Variants in SEMA3A observed in about 807,000 individuals in gnomAD.
SEMA3A encodes semaphorin 3A.
In SEMA3A, 29 loss-of-function variants were observed where a neutral mutation model predicts 97.9. The ratio of observed to expected loss-of-function variants is 0.30; its 90% CI spans 0.22 to 0.40. SEMA3A has a LOEUF of 0.40. SEMA3A is among the 10% of genes least tolerant of loss of function. The pLI, the probability that SEMA3A is intolerant of heterozygous loss-of-function variation, is 1.00. For missense variants in SEMA3A, 763 were observed against 951.3 expected, an observed-to-expected ratio of 0.80 and a Z score of 2.60; for synonymous variants, 321 against 323.7, an observed-to-expected ratio of 0.99 and a Z score of 0.09.
intron 2 of SEMA3A, among the ~76,000 whole-genome samples, chr7:84,323,978 T>C (rs1207917305): frequency 6.6e-6 from 1 of 152,208 alleles, no homozygotes; most frequent in East Asian, 1.9e-4. Context: ...AGTTTTTAAA[T>C]GTGGTTTACA....
At chr7:84,426,882 T>A (rs981477835) in intron 1 of SEMA3A, among the ~76,000 whole-genome samples, 8 of 152,162 alleles carry the variant, frequency 5.3e-5, no homozygotes, top group African/African-American at 1.7e-4. Context: ...TTGGTACATA[T>A]GCTATTCTCC....
chr7:84,292,804 A>T (rs1397664448), intron 3 of SEMA3A, among the ~76,000 whole-genome samples: 1 of 152,064 alleles, frequency 6.6e-6, no homozygotes, highest in Non-Finnish European at 1.5e-5. Flanking sequence ...TTTATTTTAC[A>T]TTTCAAAGGC....
At chr7:84,110,640 G>A (rs2115941070) in intron 3 of SEMA3A, 51 bp from the exon 4 acceptor site, 1 of 1,608,010 alleles carries the variant, frequency 6.2e-7, no homozygotes, top group Non-Finnish European at 8.5e-7. Context: ...CATGACTGAG[G>A]TATCCTCTAG....
chr7:83,967,001 G>A (rs1427417209), intron 15 of SEMA3A, among the ~76,000 whole-genome samples: 4 of 151,966 alleles, frequency 2.6e-5, no homozygotes, highest in Non-Finnish European at 4.4e-5. Flanking sequence ...ATGAGCCACC[G>A]CGCCCGGCCA....
chr7:83,988,488 A>G (rs1184062970), intron 12 of SEMA3A, among the ~76,000 whole-genome samples: 6 of 151,982 alleles, frequency 3.9e-5, no homozygotes, highest in African/African-American at 1.5e-4. Flanking sequence ...TCAGCCTCCC[A>G]ACTTTTGTGG....
At chr7:84,011,347 T>A in intron 7 of SEMA3A, 50 bp from the exon 8 acceptor site, 1 of 1,155,188 alleles carries the variant, frequency 8.7e-7, no homozygotes, top group Non-Finnish European at 1.3e-6. Context: ...AAATGATAAT[T>A]TGAAACATTT....
intron 3 of SEMA3A, among the ~76,000 whole-genome samples, chr7:84,113,169 T>C (rs1795324455): frequency 1.3e-5 from 2 of 152,118 alleles, no homozygotes; most frequent in Admixed American, 1.3e-4. Context: ...ACTTTCAAAT[T>C]TGGTTAAAAA....
At chr7:84,334,465 T>C (rs1801987466) in intron 2 of SEMA3A, among the ~76,000 whole-genome samples, 1 of 152,066 alleles carries the variant, frequency 6.6e-6, no homozygotes, top group African/African-American at 2.4e-5. Flanking sequence ...GAAAAATATT[T>C]TATTAAACTA....
chr7:84,299,256 A>ATG (rs529167767), intron 3 of SEMA3A, among the ~76,000 whole-genome samples: 11 of 138,488 alleles, frequency 7.9e-5, no homozygotes, highest in Non-Finnish European at 1.7e-4. Context: ...ATATATATAT[A>ATG]TATCTCCATA....
At chr7:84,131,014 AAATATTTATAAAC>A (rs746144239) in intron 2 of SEMA3A, among the ~76,000 whole-genome samples, 6 of 152,002 alleles carry the variant, frequency 3.9e-5, no homozygotes, top group Non-Finnish European at 7.4e-5. Context: ...TATCTAAGTA[AAATATTTATAAAC>A]AATAATTTGT....
intron 3 of SEMA3A, among the ~76,000 whole-genome samples, chr7:84,248,753 C>T (rs912818795): frequency 6.6e-6 from 1 of 152,034 alleles, no homozygotes; most frequent in African/African-American, 2.4e-5. Flanking sequence ...CCCTCCCTCC[C>T]TCTCTCTCTT....
chr7:84,295,130 G>C (rs1800836313), intron 3 of SEMA3A, among the ~76,000 whole-genome samples: 3 of 152,014 alleles, frequency 2.0e-5, no homozygotes, highest in Admixed American at 2.0e-4. Context: ...CATGATCTCA[G>C]CCTGTGGGAT....
At chr7:84,325,582 C>T (rs766901070) in intron 2 of SEMA3A, among the ~76,000 whole-genome samples, 7 of 151,654 alleles carry the variant, frequency 4.6e-5, no homozygotes, top group African/African-American at 1.2e-4. Flanking sequence ...AGGAGATCAG[C>T]GATATATGAG....
chr7:84,141,173 T>C (rs1213817433), intron 1 of SEMA3A, among the ~76,000 whole-genome samples: 1 of 152,178 alleles, frequency 6.6e-6, no homozygotes, highest in Non-Finnish European at 1.5e-5. Context: ...AATGGGCATC[T>C]ATATGCTTTT....
intron 1 of SEMA3A, among the ~76,000 whole-genome samples, chr7:84,476,506 T>G (rs969138387): frequency 1.3e-5 from 2 of 152,102 alleles, no homozygotes; most frequent in Non-Finnish European, 2.9e-5. Context: ...AGACTGACAG[T>G]GCTTAATTGA....
chr7:84,024,620 A>G (rs1423332227), intron 6 of SEMA3A, among the ~76,000 whole-genome samples: 2 of 152,170 alleles, frequency 1.3e-5, no homozygotes, highest in South Asian at 2.1e-4. Context: ...GACTATCAGA[A>G]AGTACATATC....
intron 2 of SEMA3A, among the ~76,000 whole-genome samples, chr7:84,344,123 A>G (rs1802238412): frequency 6.6e-6 from 1 of 152,196 alleles, no homozygotes; most frequent in Non-Finnish European, 1.5e-5. Flanking sequence ...ATTATATCAG[A>G]ATATGGTTAT....
At position 84,052,848 on chromosome 7, in the gene SEMA3A, T is replaced by C. The variant is rs190445810; in HGVS notation, c.548-6405A>G. 1.7e-3 allele frequency among the ~76,000 whole-genome samples: 260 copies of C among 151,654 alleles called. 1 individual carries two copies. The highest frequency in any genetic ancestry group is 2.8e-3 in the Non-Finnish European group (193 of 67,978). ...CTTTCCTGCTTTCTCTTGTGGGCATTTAGTGCTATAAATTTCCCTCTACAC... is the reference window on the plus strand; with the variant it reads ...CTTTCCTGCTTTCTCTTGTGGGCATCTAGTGCTATAAATTTCCCTCTACAC... On this transcript the variant is annotated intron_variant, in intron 5 of 16. Coordinates refer to ENST00000265362, the MANE Select transcript of SEMA3A (RefSeq NM_006080.3).
intron 3 of SEMA3A, among the ~76,000 whole-genome samples, chr7:84,125,652 C>T (rs191351093): frequency 8.0e-4 from 122 of 152,274 alleles, no homozygotes; most frequent in African/African-American, 2.9e-3. Context: ...GAACTAACTA[C>T]ATCTGGGCTA....
Sources: allele counts gnomAD v4.1 joint callset (sites outside exome capture counted in the v4.1 genomes callset), GRCh38; gene constraint gnomAD v4.1.1; transcripts MANE v1.5; gene names NCBI Gene and HGNC (gene_info 2026-07-23, HGNC 2026-07-21).